The following ATRN variants were observed in gnomAD, a reference collection of about 807,000 sequenced individuals.
ATRN encodes the protein attractin-2.
ATRN carries 54 observed loss-of-function variants against 178.7 expected under a neutral mutation model. The observed-to-expected ratio is 0.30, with a 90% CI of 0.24 to 0.38. The LOEUF (loss-of-function observed/expected upper bound fraction) is 0.38. Among genes scored for constraint, ATRN ranks in the 10% least tolerant of loss-of-function variants. The pLI is 1.00. For synonymous variants in ATRN, 636 were observed against 663.0 expected (o/e 0.96, Z 0.63); for missense variants, 1,443 against 1,815.1 (o/e 0.79, Z 3.73).
chr20:3,622,629 G>T (rs1010140442), intron 24 of ATRN, among the ~76,000 whole-genome samples: 7 of 152,200 alleles, frequency 4.6e-5, no homozygotes, highest in Non-Finnish European at 7.3e-5. Flanking sequence ...CAGTGGGCGG[G>T]GTATTCAGCA....
In ATRN at chr20:3,593,186, T is replaced by C. The variant is rs1279214692; in HGVS notation, c.3323-1293T>C. On this transcript the variant is annotated intron_variant, in intron 19 of 28. Coordinates refer to ENST00000262919, the MANE Select transcript of ATRN (RefSeq NM_139321.3). ...ATGCCATCATACCCACATCAGCAGC[T>C]GCTATCTAGAAGCATCACATTTTCC... 2.0e-5 allele frequency among the ~76,000 whole-genome samples: 3 copies of C among 152,216 alleles called. No individual in the cohort carries two copies. In the East Asian group the frequency reaches 5.8e-4, roughly 29 times the overall value.
At chr20:3,641,781 A>C (rs1306434481) in intron 27 of ATRN, among the ~76,000 whole-genome samples, 2 of 152,086 alleles carry the variant, frequency 1.3e-5, no homozygotes, top group Admixed American at 6.6e-5. Context: ...ATATCTTCAA[A>C]TTAGAATAAA....
chr20:3,621,255 A>G (rs1015831224), intron 24 of ATRN, among the ~76,000 whole-genome samples: 2 of 152,202 alleles, frequency 1.3e-5, no homozygotes, highest in Non-Finnish European at 1.5e-5. Flanking sequence ...ACCCCCATGC[A>G]CACAGGCAGG....
In ATRN at chr20:3,601,065, G is replaced by T. The variant is rs369499684; in HGVS notation, c.3643+41G>T. 17 of 1,533,126 alleles carry T rather than the reference G, an allele frequency of 1.1e-5. No homozygotes were observed. The African/African-American group carries it at 2.2e-4, about 20-fold the overall frequency. 95.0% of individuals were successfully genotyped at this position (1,533,126 alleles called of 1,614,324 possible). A position where few individuals can be genotyped will look rare whatever the true frequency, so the allele number is the denominator to read the frequency against. ...GAGAAGACCCCGCAAATGAAGGTGT[G>T]GTAGATTAAGAAATGTAATATAGGA... On this transcript the variant is annotated intron_variant, in intron 23 of 28. Coordinates refer to ENST00000262919, the MANE Select transcript of ATRN (RefSeq NM_139321.3).
chr20:3,645,122 T>C lies in ATRN; in HGVS notation c.4165+854T>C, dbSNP rs1398426440. 6.6e-6 allele frequency among the ~76,000 whole-genome samples: 1 copy of C among 152,200 alleles called. No individual in the cohort carries two copies. On this transcript the variant is annotated intron_variant, in intron 28 of 28. Transcript: ENST00000262919. The surrounding 1 kb of genome is among the most constrained non-coding windows in gnomAD (Gnocchi z 4.7). ...TGCTTTGGAGGATGCCTCAATGTGATCATTTTAGACAACTTTCAGTTGAGA... is the reference window on the plus strand; with the variant it reads ...TGCTTTGGAGGATGCCTCAATGTGACCATTTTAGACAACTTTCAGTTGAGA...
intron 10 of ATRN, among the ~76,000 whole-genome samples, chr20:3,563,962 C>T (rs555510639): frequency 9.9e-5 from 15 of 152,186 alleles, no homozygotes; most frequent in South Asian, 4.2e-4. Flanking sequence ...AATCCATCAC[C>T]GCCATCCATC....
At chr20:3,565,322 TA>T in intron 10 of ATRN, 25 bp from the exon 11 acceptor site, 1 of 1,587,662 alleles carries the variant, frequency 6.3e-7, no homozygotes. Flanking sequence ...GTAGTCCGTT[TA>T]AAAATATATT....
intron 19 of ATRN, chr20:3,592,532 T>A: frequency 4.2e-6 from 4 of 952,834 alleles, no homozygotes; most frequent in Non-Finnish European, 5.0e-6. Flanking sequence ...CTGCTTTTTT[T>A]ATTCTAGTTT....
At position 3,597,505 on chromosome 20, in the gene ATRN, C is replaced by A. The variant is rs370901717; in HGVS notation, c.3470-401C>A. On this transcript the variant is annotated intron_variant, in intron 21 of 28. Coordinates refer to ENST00000262919, the MANE Select transcript of ATRN (RefSeq NM_139321.3). ...TTAGAATCCAACGCTAATGCCATGG[C>A]TTTTTAGAAGACAGTGGTAATCTCA... 2.6e-5 allele frequency among the ~76,000 whole-genome samples: 4 copies of A among 152,266 alleles called. No homozygotes were observed. In the East Asian group the frequency reaches 7.7e-4, roughly 29 times the overall value.
intron 1 of ATRN, chr20:3,490,820 T>C (rs765862411): frequency 1.2e-6 from 1 of 805,406 alleles, no homozygotes; most frequent in Non-Finnish European, 2.3e-6. Context: ...CCTTTCATAA[T>C]CCATCTTTAT....
chr20:3,615,572 T>G lies in ATRN; in HGVS notation c.3802-8939T>G, dbSNP rs568933084. On this transcript the variant is annotated intron_variant, in intron 24 of 28. Coordinates refer to ENST00000262919, the MANE Select transcript of ATRN (RefSeq NM_139321.3). ...TTTCTTTTTTCTTTTTTTTTTTTTTTGGAGACAGAGTCTCACTCTGTCGCC... is the reference window on the plus strand; with the variant it reads ...TTTCTTTTTTCTTTTTTTTTTTTTTGGGAGACAGAGTCTCACTCTGTCGCC... Among the ~76,000 whole-genome samples, 969 of 144,924 alleles carry G rather than the reference T, an allele frequency of 6.7e-3. 6 individuals are homozygous for G. Among genetic ancestry groups the G allele is most frequent in the African/African-American group, 0.024 (916 of 38,574 alleles).
chr20:3,547,883 A>G (rs2085730655), intron 5 of ATRN, among the ~76,000 whole-genome samples: 1 of 62,030 alleles, frequency 1.6e-5, no homozygotes, highest in South Asian at 1.2e-3. Flanking sequence ...GGAGTTAGCT[A>G]ATAGTTATCT....
intron 1 of ATRN, among the ~76,000 whole-genome samples, chr20:3,493,653 C>A (rs1036366242): frequency 2.6e-5 from 4 of 152,134 alleles, no homozygotes; most frequent in African/African-American, 9.7e-5. Flanking sequence ...AACCAATGGA[C>A]TTTCTTTGTT....
At chr20:3,593,707 G>T (rs1342474755) in intron 19 of ATRN, among the ~76,000 whole-genome samples, 1 of 152,158 alleles carries the variant, frequency 6.6e-6, no homozygotes, top group Non-Finnish European at 1.5e-5. Flanking sequence ...TGATTCCAAA[G>T]GATTTATTTT....
At chr20:3,581,136 C>T (rs767506803) in intron 15 of ATRN, among the ~76,000 whole-genome samples, 3 of 152,024 alleles carry the variant, frequency 2.0e-5, no homozygotes, top group Non-Finnish European at 4.4e-5. Context: ...CTTGTAGTTC[C>T]GGCTACTTGG....
At chr20:3,492,897 ATAAC>A (rs1009484710) in intron 1 of ATRN, among the ~76,000 whole-genome samples, 3 of 146,976 alleles carry the variant, frequency 2.0e-5, no homozygotes, top group Non-Finnish European at 4.5e-5. Flanking sequence ...ACACACACAC[ATAAC>A]TAATATATAT....
chr20:3,511,728 A>G (rs2085130961), intron 1 of ATRN, among the ~76,000 whole-genome samples: 1 of 152,174 alleles, frequency 6.6e-6, no homozygotes, highest in African/African-American at 2.4e-5. Context: ...CAGATCAACA[A>G]CGAAGAAAGA....
intron 2 of ATRN, among the ~76,000 whole-genome samples, chr20:3,538,364 A>G (rs900649235): frequency 6.6e-6 from 1 of 152,076 alleles, no homozygotes; most frequent in African/African-American, 2.4e-5. Flanking sequence ...CCATTAGTAA[A>G]TGCCAGCATG....
intron 15 of ATRN, among the ~76,000 whole-genome samples, chr20:3,579,289 C>A (rs553775720): frequency 6.6e-6 from 1 of 152,152 alleles, no homozygotes; most frequent in Non-Finnish European, 1.5e-5. Flanking sequence ...AGTTCAAGAC[C>A]AGCCTGACCA....
Sources: allele counts gnomAD v4.1 joint callset (sites outside exome capture counted in the v4.1 genomes callset), GRCh38; gene constraint gnomAD v4.1.1; non-coding constraint Gnocchi (gnomAD v3.1); transcripts MANE v1.5; gene names NCBI Gene and HGNC (gene_info 2026-07-23, HGNC 2026-07-21).